The following ABAT variants were observed in gnomAD, a reference collection of about 807,000 sequenced individuals.
The protein encoded by ABAT is 4-aminobutyrate aminotransferase, mitochondrial.
In ABAT, 45 loss-of-function variants were observed where a neutral mutation model predicts 64.6. The observed-to-expected ratio is 0.70, with a 90% CI of 0.55 to 0.89. The LOEUF is 0.89. Ranked by LOEUF, ABAT falls within the 40% of genes least tolerant of loss-of-function variation. The pLI is 0.00. For synonymous variants in ABAT, 297 were observed against 250.5 expected (o/e 1.19, Z -1.75); for missense variants, 633 against 658.4 (o/e 0.96, Z 0.42).
At chr16:8,726,242 G>A (rs757385141) in intron 1 of ABAT, among the ~76,000 whole-genome samples, 4 of 149,366 alleles carry the variant, frequency 2.7e-5, no homozygotes, top group East Asian at 1.9e-4. Context: ...TTCCATCCAC[G>A]TTGTTGCAAA....
chr16:8,700,402 T>C lies in ABAT; in HGVS notation c.-42+25691T>C, dbSNP rs554614343. 3.3e-5 allele frequency among the ~76,000 whole-genome samples: 5 copies of C among 152,242 alleles called. No individual in the cohort carries two copies. The East Asian group carries it at 9.7e-4, about 29-fold the overall frequency. Reference sequence around the variant, plus strand: ...GAATTTTTACCTGAGAATGCAACCATGTAACCAGCACCTAGATCAAGATCT... The same window carrying C: ...GAATTTTTACCTGAGAATGCAACCACGTAACCAGCACCTAGATCAAGATCT... On this transcript the variant is annotated intron_variant, in intron 1 of 15. Transcript: ENST00000268251.
intron 1 of ABAT, among the ~76,000 whole-genome samples, chr16:8,733,127 A>ACC (rs1202977957): frequency 3.5e-5 from 3 of 85,258 alleles, no homozygotes; most frequent in Non-Finnish European, 7.1e-5. Context: ...CGGGGGGCTG[A>ACC]CCCCCCCCCA....
In ABAT at chr16:8,768,947, CAGG is replaced by C; in HGVS notation, c.797_799del (p.Glu266del). On this transcript the variant is annotated inframe_deletion, in exon 11 of 16. Transcript: ENST00000268251. ...GGAAGAGTTTGTGAAAGAGAACCAA[CAGG>C]AGGAGGCCCGCTGTCTGGAAGAGGT... The C allele has an allele frequency of 6.2e-7, 1 of 1,614,200 alleles. No homozygotes were observed. The highest frequency in any genetic ancestry group is 8.5e-7 in the Non-Finnish European group (1 of 1,180,030).
intron 5 of ABAT, among the ~76,000 whole-genome samples, chr16:8,750,990 C>A (rs1335712716): frequency 6.9e-6 from 1 of 144,366 alleles, no homozygotes; most frequent in African/African-American, 2.6e-5. Context: ...GTTCTGTCGA[C>A]CAGGCGGGAG....
chr16:8,775,975 A>G (rs950442818), intron 13 of ABAT, among the ~76,000 whole-genome samples: 1 of 152,164 alleles, frequency 6.6e-6, no homozygotes, highest in African/African-American at 2.4e-5. Flanking sequence ...TAGACAAATC[A>G]CTTAGCCTCC....
In ABAT at chr16:8,770,103, C is replaced by A. The variant is rs192615831; in HGVS notation, c.816+1130C>A. Among the ~76,000 whole-genome samples the A allele has an allele frequency of 2.2e-3, 341 of 152,242 alleles. 1 individual carries two copies. Among genetic ancestry groups the A allele is most frequent in the Non-Finnish European group, 3.6e-3 (244 of 68,004 alleles). On this transcript the variant is annotated intron_variant, in intron 11 of 15. Transcript: ENST00000268251. ...CCTTTTCTTTCATTTTTACACCCTGCCTGGAAACTGCCAAGGAGTCACATT... is the reference window on the plus strand; with the variant it reads ...CCTTTTCTTTCATTTTTACACCCTGACTGGAAACTGCCAAGGAGTCACATT...
intron 5 of ABAT, among the ~76,000 whole-genome samples, chr16:8,755,956 G>A (rs889350312): frequency 1.3e-5 from 2 of 152,148 alleles, no homozygotes; most frequent in African/African-American, 4.8e-5. Flanking sequence ...GGCTGAGGCA[G>A]GAGAATGGCG....
At chr16:8,682,499 A>G (rs986478786) in intron 1 of ABAT, among the ~76,000 whole-genome samples, 2 of 152,164 alleles carry the variant, frequency 1.3e-5, no homozygotes, top group African/African-American at 2.4e-5. Context: ...TTGTTAAAAC[A>G]CAGATTGATG....
intron 6 of ABAT, among the ~76,000 whole-genome samples, chr16:8,763,394 G>A (rs2059852694): frequency 6.6e-6 from 1 of 152,182 alleles, no homozygotes; most frequent in Admixed American, 6.5e-5. Flanking sequence ...AAAGCAAGAG[G>A]TAGGAATCTG....
chr16:8,757,824 A>C lies in ABAT; in HGVS notation c.366+18A>C. On this transcript the variant is annotated intron_variant, in intron 6 of 15. Transcript: ENST00000268251. The stretch of plus-strand genomic sequence containing the variant: ...AAAATGCGGTAGGTCTTGGGGTTAC[A>C]CAGAAGAAAGACAAAATATGTTCAT... 6.2e-7 allele frequency: 1 copy of C among 1,613,436 alleles called. No homozygotes were observed. The highest frequency in any genetic ancestry group is 8.5e-7 in the Non-Finnish European group (1 of 1,179,356).
chr16:8,676,572 T>G (rs1027301357), intron 1 of ABAT, among the ~76,000 whole-genome samples: 12 of 152,228 alleles, frequency 7.9e-5, no homozygotes, highest in African/African-American at 2.4e-5. Context: ...AGCGCATCCC[T>G]GCTTACCCCG....
intron 1 of ABAT, among the ~76,000 whole-genome samples, chr16:8,718,772 C>T (rs189910634): frequency 6.6e-6 from 1 of 152,252 alleles, no homozygotes; most frequent in Admixed American, 6.5e-5. Context: ...AACCTTGACA[C>T]GATTGGCATT....
chr16:8,724,978 G>A (rs1019708749), intron 1 of ABAT, among the ~76,000 whole-genome samples: 13 of 150,230 alleles, frequency 8.7e-5, no homozygotes, highest in East Asian at 4.0e-4. Context: ...GTGCAGTGGC[G>A]CCATCTCGGC....
intron 1 of ABAT, among the ~76,000 whole-genome samples, chr16:8,687,075 GT>G (rs1034078721): frequency 6.6e-6 from 1 of 151,908 alleles, no homozygotes; most frequent in Non-Finnish European, 1.5e-5. Flanking sequence ...GGTCTAGTCT[GT>G]TTTTTTTCCC....
intron 15 of ABAT, among the ~76,000 whole-genome samples, 181 bp downstream of exon 15, chr16:8,779,771 C>G (rs997355304): frequency 2.6e-5 from 4 of 152,130 alleles, no homozygotes; most frequent in Admixed American, 1.3e-4. Context: ...TTTCTTTATC[C>G]ATTTATTTAC....
intron 1 of ABAT, among the ~76,000 whole-genome samples, chr16:8,688,859 C>T (rs778999241): frequency 2.6e-5 from 4 of 152,160 alleles, no homozygotes; most frequent in Admixed American, 6.5e-5. Flanking sequence ...AGGTGGATCA[C>T]GAGGTCAGGA....
intron 9 of ABAT, 28 bp from the exon 10 acceptor site, chr16:8,768,165 A>G (rs1480370685): frequency 6.2e-7 from 1 of 1,608,440 alleles, no homozygotes; most frequent in South Asian, 1.1e-5. Flanking sequence ...TACAACTATG[A>G]CTAATGACTG....
intron 1 of ABAT, among the ~76,000 whole-genome samples, chr16:8,690,076 A>C (rs931079773): frequency 1.3e-5 from 2 of 152,168 alleles, no homozygotes; most frequent in African/African-American, 4.8e-5. Flanking sequence ...CAACCCCTGG[A>C]GTGACACATC....
At chr16:8,707,119 G>A (rs577274747) in intron 1 of ABAT, among the ~76,000 whole-genome samples, 1 of 152,298 alleles carries the variant, frequency 6.6e-6, no homozygotes, top group African/African-American at 2.4e-5. Flanking sequence ...TAGGGGAGTG[G>A]AGGCTGGAAG....
Sources: allele counts gnomAD v4.1 joint callset (sites outside exome capture counted in the v4.1 genomes callset), GRCh38; gene constraint gnomAD v4.1.1; transcripts MANE v1.5; gene names NCBI Gene and HGNC (gene_info 2026-07-23, HGNC 2026-07-21).